Variants in EIF4G3 observed in about 807,000 individuals in gnomAD.
The protein encoded by EIF4G3 is eukaryotic translation initiation factor 4 gamma 3, also known as eIF-4-gamma 3.
EIF4G3 carries 34 observed loss-of-function variants against 186.4 expected under a neutral mutation model. The observed-to-expected ratio is 0.18, with a 90% CI of 0.14 to 0.24. The LOEUF (loss-of-function observed/expected upper bound fraction) is 0.24. Among genes scored for constraint, EIF4G3 ranks in the 10% least tolerant of loss-of-function variants. The pLI, the probability that EIF4G3 is intolerant of heterozygous loss-of-function variation, is 1.00. For missense variants in EIF4G3, 1,536 were observed against 1,948.5 expected, an observed-to-expected ratio of 0.79 and a Z score of 3.99; for synonymous variants, 673 against 679.5, an observed-to-expected ratio of 0.99 and a Z score of 0.15.
At chr1:20,909,240 C>T (rs1182950910) in intron 14 of EIF4G3, among the ~76,000 whole-genome samples, 1 of 152,044 alleles carries the variant, frequency 6.6e-6, no homozygotes, top group Admixed American at 6.6e-5. Flanking sequence ...AGTTAAGAGA[C>T]AGGGATATAA....
At chr1:21,003,803 A>C in intron 4 of EIF4G3, 1 of 416,390 alleles carries the variant, frequency 2.4e-6, no homozygotes, top group Non-Finnish European at 4.7e-6. Flanking sequence ...TGCCAATGTA[A>C]ATTGCCTTAT....
chr1:20,808,506 C>A (rs2058577747), intron 36 of EIF4G3, among the ~76,000 whole-genome samples: 1 of 151,742 alleles, frequency 6.6e-6, no homozygotes, highest in African/African-American at 2.4e-5. Context: ...ACAGTGAAAC[C>A]CCGTCTCTAC....
At chr1:20,929,237 G>A (rs938420528) in intron 14 of EIF4G3, 2 of 152,066 alleles carry the variant, frequency 1.3e-5, no homozygotes, top group Admixed American at 6.6e-5. Context: ...TGCCAAAGCA[G>A]GAAGTTAATG....
chr1:20,904,837 G>GA (rs1241657605), intron 15 of EIF4G3, 46 bp downstream of exon 15: 6 of 1,467,320 alleles, frequency 4.1e-6, no homozygotes, highest in Non-Finnish European at 5.7e-6. Flanking sequence ...ACCTGTCTAT[G>GA]AAATGGCACC....
At chr1:21,010,865 A>C (rs1319610856) in intron 4 of EIF4G3, among the ~76,000 whole-genome samples, 1 of 152,244 alleles carries the variant, frequency 6.6e-6, no homozygotes, top group African/African-American at 2.4e-5. Context: ...CACAGTCTTA[A>C]GCATAGCACT....
At chr1:20,826,481 CTTTTTTTTTT>C (rs71014120) in intron 32 of EIF4G3, among the ~76,000 whole-genome samples, 13 of 50,656 alleles carry the variant, frequency 2.6e-4, no homozygotes, top group African/African-American at 5.7e-4. Flanking sequence ...GTGAGTCTTT[CTTTTTTTTTT>C]TTTTTTTTTT....
chr1:20,836,701 G>A (rs2066861078), intron 30 of EIF4G3, among the ~76,000 whole-genome samples: 1 of 152,140 alleles, frequency 6.6e-6, no homozygotes, highest in Non-Finnish European at 1.5e-5. Context: ...CATATTTTGT[G>A]TCTATTGTCC....
intron 35 of EIF4G3, among the ~76,000 whole-genome samples, chr1:20,811,241 A>G (rs1432619902): frequency 2.0e-5 from 3 of 151,980 alleles, no homozygotes; most frequent in South Asian, 2.1e-4. Context: ...GGCATGAGCC[A>G]CTGCTCCTGG....
At chr1:21,059,603 C>A (rs1437627732) in intron 3 of EIF4G3, among the ~76,000 whole-genome samples, 3 of 151,604 alleles carry the variant, frequency 2.0e-5, no homozygotes, top group Admixed American at 2.0e-4. Flanking sequence ...CTTACCTATA[C>A]TTAATAGGTT....
chr1:21,017,593 A>G (rs2089521863), intron 4 of EIF4G3, among the ~76,000 whole-genome samples: 1 of 134,978 alleles, frequency 7.4e-6, no homozygotes, highest in South Asian at 2.5e-4. Context: ...GTGCCACTGC[A>G]CTCCAGCCTG....
At chr1:21,071,817 AAG>A (rs1003728021) in intron 3 of EIF4G3, among the ~76,000 whole-genome samples, 7 of 151,992 alleles carry the variant, frequency 4.6e-5, no homozygotes, top group Middle Eastern at 3.2e-3. Context: ...AAAAAAAAAA[AAG>A]AGAGAGAGGA....
Position 20,969,529 on chromosome 1 carries a change from C to A in EIF4G3, c.659G>T (p.Ser220Ile). The A allele has an allele frequency of 6.2e-7, 1 of 1,613,886 alleles. No homozygotes were observed. Among genetic ancestry groups the A allele is most frequent in the Non-Finnish European group, 8.5e-7 (1 of 1,179,830 alleles). The change falls in exon 12 of 37, where the codon AGC becomes ATC. Residue 220 changes from serine (S) to isoleucine (I), a missense_variant. Ser to Ile is a moderately radical substitution (Grantham distance 142, BLOSUM62 -2). Around this residue, in one of 11 missense-constraint regions of EIF4G3, gnomAD observed 560 missense variants for 547.8 expected, o/e 1.02. Coordinates refer to ENST00000602326, the MANE Select transcript of EIF4G3 (RefSeq NM_001391906.1). Reference protein sequence around the residue: ...ITEEIMSGGGSRNPTPPIGRP... With the variant: ...ITEEIMSGGGIRNPTPPIGRP... ...TCCTATGGGTGGAGTAGGATTTCTG[C>A]TGCCACCTCCAGACATAATCTCCTC...
chr1:20,920,000 G>A (rs1176032448), intron 14 of EIF4G3, among the ~76,000 whole-genome samples: 2 of 144,272 alleles, frequency 1.4e-5, no homozygotes, highest in East Asian at 1.9e-4. Context: ...TCCACCTCCC[G>A]GGTTCAAGTG....
At chr1:21,041,614 G>T (rs780930677) in intron 4 of EIF4G3, among the ~76,000 whole-genome samples, 25 of 152,324 alleles carry the variant, frequency 1.6e-4, no homozygotes, top group South Asian at 1.4e-3. Context: ...GAATAATATA[G>T]TGTAGTACTT....
chr1:20,954,332 T>A (rs983790298), intron 12 of EIF4G3, among the ~76,000 whole-genome samples: 6 of 151,480 alleles, frequency 4.0e-5, no homozygotes, highest in African/African-American at 1.5e-4. Context: ...CGTTAAGAGT[T>A]CAAGACCAGC....
Position 21,176,567 on chromosome 1 carries a change from A to ACGC in EIF4G3, c.-456+152_-456+154dup, listed in dbSNP as rs948854829. On this transcript the variant is annotated intron_variant, in intron 1 of 36. Transcript: ENST00000602326. ...GGCCGGGGCCGGTCACACACGCCCG[A>ACGC]CGCCGCCGCCGCCGCCGCCGCCGCC... 2.2e-3 allele frequency among the ~76,000 whole-genome samples: 259 copies of ACGC among 115,282 alleles called. 2 individuals carry two copies. Among genetic ancestry groups the ACGC allele is most frequent in the African/African-American group, 6.5e-3 (199 of 30,484 alleles). The allele number at this position is 115,282 out of a possible 152,430, so 75.6% of individuals were successfully genotyped here.
intron 2 of EIF4G3, among the ~76,000 whole-genome samples, chr1:21,120,674 A>G (rs2096911130): frequency 6.6e-6 from 1 of 152,046 alleles, no homozygotes; most frequent in African/African-American, 2.4e-5. Flanking sequence ...TATAGTCTTC[A>G]GTAAATATGT....
intron 10 of EIF4G3, among the ~76,000 whole-genome samples, chr1:20,979,495 A>C (rs2077520696): frequency 1.3e-5 from 2 of 152,238 alleles, no homozygotes; most frequent in Admixed American, 1.3e-4. Flanking sequence ...ACTAAGAAAG[A>C]CATTAACAAA....
chr1:21,000,699 C>T (rs1347185894), intron 6 of EIF4G3, among the ~76,000 whole-genome samples: 5 of 151,770 alleles, frequency 3.3e-5, no homozygotes, highest in African/African-American at 9.7e-5. Flanking sequence ...TAGTCTTGCA[C>T]TTGTTTTAGG....
Sources: gnomAD v4.1 joint callset for allele counts (sites outside exome capture counted in the v4.1 genomes callset) on GRCh38, gnomAD v4.1.1 for gene constraint, gnomAD v4.1.1 regional missense constraint, MANE v1.5 for transcripts, NCBI Gene and HGNC (gene_info 2026-07-23, HGNC 2026-07-21) for gene names.